Variants in TBC1D4 observed in about 807,000 individuals in gnomAD.
TBC1D4 encodes the protein TBC1 domain family member 4.
A neutral mutation model predicts 142.5 loss-of-function variants in TBC1D4; 121 were observed. The ratio of observed to expected loss-of-function variants is 0.85; its 90% CI spans 0.73 to 0.99. The LOEUF (loss-of-function observed/expected upper bound fraction) is 0.99, where lower values mean the gene tolerates loss of function less well. TBC1D4 is among the 50% of genes least tolerant of loss of function. TBC1D4 has a pLI of 0.00. For missense variants in TBC1D4, 1,475 were observed against 1,606.6 expected (o/e 0.92, Z 1.40); for synonymous variants, 630 against 628.2 (o/e 1.00, Z -0.04).
chr13:75,297,727 T>C (rs912609701), intron 17 of TBC1D4, among the ~76,000 whole-genome samples: 2 of 148,806 alleles, frequency 1.3e-5, no homozygotes, highest in Non-Finnish European at 3.0e-5. Context: ...ACTGCACTCC[T>C]GCCTGGGTGA....
intron 1 of TBC1D4, among the ~76,000 whole-genome samples, chr13:75,367,683 G>A (rs1235904149): frequency 1.3e-5 from 2 of 152,146 alleles, no homozygotes; most frequent in Non-Finnish European, 2.9e-5. Flanking sequence ...TAGGGGAAGG[G>A]TAGATTTCCT....
At chr13:75,402,241 A>T (rs1431054939) in intron 1 of TBC1D4, among the ~76,000 whole-genome samples, 1 of 152,224 alleles carries the variant, frequency 6.6e-6, no homozygotes, top group Non-Finnish European at 1.5e-5. Context: ...TATATTATCA[A>T]ATAAACTAAA....
intron 8 of TBC1D4, among the ~76,000 whole-genome samples, chr13:75,328,536 T>C (rs555600748): frequency 2.8e-4 from 43 of 152,220 alleles, no homozygotes; most frequent in Admixed American, 2.4e-3. Flanking sequence ...TCACTTTAAA[T>C]AGGAAGAAAC....
intron 20 of TBC1D4, 142 bp from the exon 21 acceptor site, chr13:75,287,167 G>T (rs1053309610): frequency 1.8e-5 from 13 of 726,290 alleles, no homozygotes; most frequent in Admixed American, 1.5e-4. Flanking sequence ...AGGAAACGAT[G>T]ATTTATTAGG....
At chr13:75,456,688 C>A (rs532318503) in intron 1 of TBC1D4, among the ~76,000 whole-genome samples, 10 of 150,796 alleles carry the variant, frequency 6.6e-5, no homozygotes, top group Non-Finnish European at 1.0e-4. Context: ...AACTGTCACA[C>A]ATTGCTGGTG....
At chr13:75,309,403 G>A (rs1208686119) in intron 14 of TBC1D4, among the ~76,000 whole-genome samples, 1 of 151,770 alleles carries the variant, frequency 6.6e-6, no homozygotes, top group Non-Finnish European at 1.5e-5. Context: ...AATTTATAAA[G>A]CATTAACAAA....
intron 1 of TBC1D4, among the ~76,000 whole-genome samples, chr13:75,422,022 G>A (rs960937596): frequency 1.4e-4 from 21 of 152,144 alleles, no homozygotes; most frequent in African/African-American, 4.1e-4. Flanking sequence ...TCTAACTCCT[G>A]GGATCAAGTG....
intron 1 of TBC1D4, among the ~76,000 whole-genome samples, chr13:75,418,556 C>T (rs557560783): frequency 3.3e-5 from 5 of 152,222 alleles, no homozygotes; most frequent in African/African-American, 7.2e-5. Flanking sequence ...TGAGAGGTCC[C>T]CTTAAGTTTT....
At chr13:75,460,906 G>A (rs901979068) in intron 1 of TBC1D4, among the ~76,000 whole-genome samples, 4 of 152,144 alleles carry the variant, frequency 2.6e-5, no homozygotes, top group African/African-American at 9.7e-5. Context: ...CTGGGTAACA[G>A]AGCAAGATCC....
rs367942378 is a variant in TBC1D4, at chr13:75,286,846, C to T, written c.3843G>A (p.Leu1281=). 20 of 1,613,840 alleles carry T rather than the reference C, an allele frequency of 1.2e-5. No individual in the cohort carries two copies. Among genetic ancestry groups the T allele is most frequent in the Non-Finnish European group, 1.6e-5 (19 of 1,179,982 alleles). The change falls in exon 21 of 21, where the codon CTG becomes CTA. Residue 1281 remains leucine, a synonymous_variant. Coordinates refer to ENST00000377636, the MANE Select transcript of TBC1D4 (RefSeq NM_014832.5). ...TGTTAGGGTTGCAGTTTAGGTCTCT[C>T]AGCAACAGGTCACAATTGACTAGAG... is the stretch of plus-strand genomic sequence containing the variant. ...ADALVNCDLL[L]RDLNCNPNNK...
chr13:75,477,451 CA>C (rs769124882), intron 1 of TBC1D4, among the ~76,000 whole-genome samples: 16 of 152,046 alleles, frequency 1.1e-4, no homozygotes, highest in Non-Finnish European at 2.1e-4. Flanking sequence ...AAATAATACA[CA>C]AAAACAACCA....
At chr13:75,305,126 A>C (rs1877040775) in intron 15 of TBC1D4, among the ~76,000 whole-genome samples, 1 of 152,102 alleles carries the variant, frequency 6.6e-6, no homozygotes, top group Non-Finnish European at 1.5e-5. Context: ...GTTAAGGAGA[A>C]ACCCCTTTCA....
chr13:75,406,506 G>A (rs1174010215), intron 1 of TBC1D4, among the ~76,000 whole-genome samples: 1 of 152,196 alleles, frequency 6.6e-6, no homozygotes, highest in Non-Finnish European at 1.5e-5. Context: ...CCAAGGACAT[G>A]TTGCAAAACA....
chr13:75,481,736 G>T lies in TBC1D4; in HGVS notation c.32C>A (p.Pro11Gln). Residue 11 changes from proline (P) to glutamine (Q), a missense_variant, in exon 1 of 21, where the codon CCG (proline) becomes CAG (glutamine). Around this residue, in one of 2 missense-constraint regions of TBC1D4, gnomAD observed 1,227 missense variants for 1,267.7 expected, o/e 0.97. Coordinates refer to ENST00000377636, the MANE Select transcript of TBC1D4 (RefSeq NM_014832.5). MEPPSCIQDE[P>Q]FPHPLEPEPG... is the part of the protein sequence containing the mutation. ...CTCGGGCTCCAGGGGGTGCGGGAAC[G>T]GCTCATCCTGAATGCAGCTGGGCGG... The T allele has an allele frequency of 1.1e-5, 18 of 1,593,906 alleles. No homozygotes were observed. The highest frequency in any genetic ancestry group is 1.5e-5 in the Non-Finnish European group (18 of 1,173,102).
At chr13:75,338,142 A>C (rs1880378099) in intron 7 of TBC1D4, among the ~76,000 whole-genome samples, 1 of 152,140 alleles carries the variant, frequency 6.6e-6, no homozygotes, top group African/African-American at 2.4e-5. Flanking sequence ...AAGACAGGAA[A>C]ATCAGACTGA....
chr13:75,294,575 C>A (rs1875691595), intron 18 of TBC1D4, among the ~76,000 whole-genome samples: 1 of 152,144 alleles, frequency 6.6e-6, no homozygotes, highest in African/African-American at 2.4e-5. Flanking sequence ...GGAGTATACT[C>A]TCTGATTTTT....
intron 19 of TBC1D4, 27 bp downstream of exon 19, chr13:75,292,075 A>G: frequency 6.3e-7 from 1 of 1,579,380 alleles, no homozygotes; most frequent in Non-Finnish European, 8.7e-7. Flanking sequence ...AAACTGCTAT[A>G]TAATACTATT....
At chr13:75,374,157 T>A (rs1883371689) in intron 1 of TBC1D4, among the ~76,000 whole-genome samples, 1 of 152,152 alleles carries the variant, frequency 6.6e-6, no homozygotes, top group Non-Finnish European at 1.5e-5. Context: ...GTGTCATGAC[T>A]AGCTTTTGCC....
chr13:75,474,846 A>G (rs1016512789), intron 1 of TBC1D4, among the ~76,000 whole-genome samples: 6 of 152,102 alleles, frequency 3.9e-5, no homozygotes, highest in Non-Finnish European at 7.4e-5. Context: ...CATGTTGGCC[A>G]GTCTGGTCTC....
Sources: gnomAD v4.1 joint callset for allele counts (sites outside exome capture counted in the v4.1 genomes callset) on GRCh38, gnomAD v4.1.1 for gene constraint, gnomAD v4.1.1 regional missense constraint, MANE v1.5 for transcripts, NCBI Gene and HGNC (gene_info 2026-07-23, HGNC 2026-07-21) for gene names.